The following XPNPEP3 variants were observed in gnomAD, a reference collection of about 807,000 sequenced individuals.
XPNPEP3 encodes the protein xaa-Pro aminopeptidase 3.
Under a neutral mutation model 60.0 loss-of-function variants are expected in XPNPEP3, and 41 were observed. That is an observed-to-expected ratio of 0.68 (90% confidence interval 0.53 to 0.89). The LOEUF (loss-of-function observed/expected upper bound fraction) is 0.89. XPNPEP3 is among the 40% of genes least tolerant of loss of function. The probability of loss-of-function intolerance (pLI) is 0.00; values close to 1 mark genes in which losing one functional copy is unlikely to be tolerated. For missense variants in XPNPEP3, 598 were observed against 638.9 expected, an observed-to-expected ratio of 0.94 and a Z score of 0.69; for synonymous variants, 212 against 223.2, an observed-to-expected ratio of 0.95 and a Z score of 0.45.
In XPNPEP3 at chr22:40,928,887, A is replaced by C. The variant is rs920522410; in HGVS notation, c.*2452A>C. 1.3e-5 allele frequency: 2 copies of C among 152,202 alleles called. No homozygotes were observed. The highest frequency in any genetic ancestry group is 4.8e-5 in the African/African-American group (2 of 41,450). The allele number at this position is 152,202 out of a possible 1,614,324, so 9.4% of individuals were successfully genotyped here. On this transcript the variant is annotated 3_prime_UTR_variant, in exon 10 of 10. Transcript: ENST00000357137. ...GATAATGTGAAAACAAAAGTGATACAAATCATATCCTGACAGTGCTAGCCT... is the reference window on the plus strand; with the variant it reads ...GATAATGTGAAAACAAAAGTGATACCAATCATATCCTGACAGTGCTAGCCT...
chr22:40,899,457 A>G (rs780627001), intron 4 of XPNPEP3, among the ~76,000 whole-genome samples: 1 of 152,168 alleles, frequency 6.6e-6, no homozygotes, highest in Non-Finnish European at 1.5e-5. Flanking sequence ...CATGTGCCAT[A>G]TCAAACCAAG....
chr22:40,915,801 T>G (rs763275891), intron 7 of XPNPEP3, among the ~76,000 whole-genome samples: 5 of 152,176 alleles, frequency 3.3e-5, no homozygotes, highest in Non-Finnish European at 7.4e-5. Flanking sequence ...CTTGGCTGAT[T>G]ACTGAACTAT....
At position 40,927,072 on chromosome 22, in the gene XPNPEP3, C is replaced by T. The variant is rs886057512; in HGVS notation, c.*637C>T. The T allele has an allele frequency of 7.8e-5, 12 of 154,088 alleles. No homozygotes were observed. The highest frequency in any genetic ancestry group is 3.8e-4 in the Admixed American group (6 of 15,630). 9.5% of individuals were successfully genotyped at this position (154,088 alleles called of 1,614,324 possible). A position where few individuals can be genotyped will look rare whatever the true frequency, so the allele number is the denominator to read the frequency against. On this transcript the variant is annotated 3_prime_UTR_variant, in exon 10 of 10. Coordinates refer to ENST00000357137, the MANE Select transcript of XPNPEP3 (RefSeq NM_022098.4). Reference sequence around the variant, plus strand: ...CACTAGCTACCTACCAAACAAAACACTTCTGAGCTTTTCTTGCCATTTGGT... The same window carrying T: ...CACTAGCTACCTACCAAACAAAACATTTCTGAGCTTTTCTTGCCATTTGGT...
intron 5 of XPNPEP3, 85 bp from the exon 6 acceptor site, chr22:40,909,037 A>G (rs1284760715): frequency 3.0e-6 from 3 of 1,002,804 alleles, no homozygotes; most frequent in Non-Finnish European, 1.6e-6. Context: ...AAGTACTGGT[A>G]TGGAGGTATG....
At chr22:40,862,996 C>A (rs2057959417) in intron 1 of XPNPEP3, among the ~76,000 whole-genome samples, 1 of 152,214 alleles carries the variant, frequency 6.6e-6, no homozygotes, top group Non-Finnish European at 1.5e-5. Context: ...TAGAAGGCTT[C>A]TGAGGAGATG....
At chr22:40,920,744 A>G (rs1389975404) in intron 7 of XPNPEP3, among the ~76,000 whole-genome samples, 2 of 152,102 alleles carry the variant, frequency 1.3e-5, no homozygotes, top group African/African-American at 2.4e-5. Flanking sequence ...TCCCACCCAC[A>G]TTCCCAGATT....
At chr22:40,888,699 G>A (rs1000596419) in intron 4 of XPNPEP3, among the ~76,000 whole-genome samples, 1 of 149,388 alleles carries the variant, frequency 6.7e-6, no homozygotes, top group African/African-American at 2.5e-5. Context: ...AATATCTTGT[G>A]TTCAAGTCTC....
intron 7 of XPNPEP3, among the ~76,000 whole-genome samples, chr22:40,921,485 CTAAAAAAAAAAAA>C (rs2058216430): frequency 8.0e-6 from 1 of 125,406 alleles, no homozygotes; most frequent in African/African-American, 3.2e-5. Flanking sequence ...GACCTTGTCT[CTAAAAAAAAAAAA>C]AAAAAAAACT....
chr22:40,924,328 G>C (rs2058227084), intron 8 of XPNPEP3, 34 bp from the exon 9 acceptor site: 1 of 1,613,726 alleles, frequency 6.2e-7, no homozygotes, highest in Non-Finnish European at 8.5e-7. Flanking sequence ...AGAGGTCATT[G>C]CTCTAATGAT....
chr22:40,879,137 T>G (rs1401597569), intron 2 of XPNPEP3, among the ~76,000 whole-genome samples: 1 of 152,180 alleles, frequency 6.6e-6, no homozygotes, highest in East Asian at 1.9e-4. Flanking sequence ...AGTTCAGTAT[T>G]CTGCCTAAGA....
intron 1 of XPNPEP3, among the ~76,000 whole-genome samples, chr22:40,858,992 C>T (rs1474469708): frequency 6.6e-6 from 1 of 152,122 alleles, no homozygotes; most frequent in East Asian, 1.9e-4. Flanking sequence ...CCAAAGTAAA[C>T]TTGAACTCTC....
chr22:40,902,344 G>A (rs1030357928), intron 4 of XPNPEP3, among the ~76,000 whole-genome samples: 6 of 147,920 alleles, frequency 4.1e-5, no homozygotes, highest in Admixed American at 6.9e-5. Context: ...TCCACCTCCC[G>A]GGTTCACGCC....
chr22:40,857,666 A>G (rs1382562939), intron 1 of XPNPEP3, among the ~76,000 whole-genome samples: 1 of 152,266 alleles, frequency 6.6e-6, no homozygotes, highest in African/African-American at 2.4e-5. Context: ...TAGGAGAGGT[A>G]ACTGTTTCGA....
At chr22:40,876,316 G>C (rs2058027665) in intron 2 of XPNPEP3, among the ~76,000 whole-genome samples, 1 of 152,132 alleles carries the variant, frequency 6.6e-6, no homozygotes, top group Non-Finnish European at 1.5e-5. Flanking sequence ...CTAAGATCCT[G>C]CCTGGCTTTG....
rs767716985 is a variant in XPNPEP3, at chr22:40,909,140, G to A, written c.874G>A (p.Ala292Thr). The A allele has an allele frequency of 3.1e-6, 5 of 1,614,176 alleles. No homozygotes were observed. The highest frequency in any genetic ancestry group is 4.2e-6 in the Non-Finnish European group (5 of 1,180,044). Residue 292 changes from alanine (A) to threonine (T), a missense_variant, in exon 6 of 10, where the codon GCT becomes ACT. Coordinates refer to ENST00000357137, the MANE Select transcript of XPNPEP3 (RefSeq NM_022098.4). ...TTCACAGTTTGAATTTGAATGCCGG[G>A]CTCGTGGCGCAGACATTTTAGCCTA... ...LYAKFEFECR[A>T]RGADILAYPP... is the part of the protein sequence containing the mutation.
rs563432853 is a variant in XPNPEP3, at chr22:40,891,514, G to A, written c.792+4999G>A. The stretch of plus-strand genomic sequence containing the variant: ...CTAAAAATACAAAAATTAGCTGGGC[G>A]TGGTGGCGGGCGCCTGTAGTCCCAG... On this transcript the variant is annotated intron_variant, in intron 4 of 9. Transcript: ENST00000357137. Among the ~76,000 whole-genome samples, 4 of 152,036 alleles carry A rather than the reference G, an allele frequency of 2.6e-5. No homozygotes were observed. In the East Asian group the frequency reaches 5.8e-4, roughly 22 times the overall value.
At chr22:40,920,895 C>T (rs1201264476) in intron 7 of XPNPEP3, among the ~76,000 whole-genome samples, 5 of 152,166 alleles carry the variant, frequency 3.3e-5, no homozygotes, top group African/African-American at 7.2e-5. Context: ...CAGTTTCAAG[C>T]GATTCTTCTG....
chr22:40,900,464 G>C (rs2058127492), intron 4 of XPNPEP3, among the ~76,000 whole-genome samples: 1 of 152,026 alleles, frequency 6.6e-6, no homozygotes, highest in African/African-American at 2.4e-5. Context: ...AAATTAGCCA[G>C]GCATGGTGGC....
intron 1 of XPNPEP3, chr22:40,860,077 T>C (rs1371509447): frequency 6.6e-6 from 1 of 152,164 alleles, no homozygotes; most frequent in African/African-American, 2.4e-5. Context: ...TTTTAATTTT[T>C]TAAATTTTCT....
Sources: gnomAD v4.1 joint callset for allele counts (sites outside exome capture counted in the v4.1 genomes callset) on GRCh38, gnomAD v4.1.1 for gene constraint, MANE v1.5 for transcripts, NCBI Gene and HGNC (gene_info 2026-07-23, HGNC 2026-07-21) for gene names.